The following COBL variants were observed in gnomAD, a reference collection of about 807,000 sequenced individuals.
COBL encodes cordon-bleu WH2 repeat protein.
COBL carries 51 observed loss-of-function variants against 98.8 expected under a neutral mutation model. That is an observed-to-expected ratio of 0.52 (90% CI 0.41 to 0.65). COBL has a LOEUF of 0.65. Among genes scored for constraint, COBL ranks in the 30% least tolerant of loss-of-function variants. The pLI, the probability that COBL is intolerant of heterozygous loss-of-function variation, is 0.00. For missense variants in COBL, 1,617 were observed against 1,617.5 expected (o/e 1.00, Z 0.01); for synonymous variants, 634 against 651.7 (o/e 0.97, Z 0.41).
At chr7:51,253,225 T>A (rs115215151) in intron 1 of COBL, among the ~76,000 whole-genome samples, 7,640 of 152,140 alleles carry the variant, frequency 0.05, 631 homozygotes, top group African/African-American at 0.17. Context: ...CTCAAAAAAA[T>A]AATAAATAAA....
intron 1 of COBL, among the ~76,000 whole-genome samples, chr7:51,255,898 T>C (rs547490861): frequency 6.6e-6 from 1 of 152,234 alleles, no homozygotes; most frequent in South Asian, 2.1e-4. Flanking sequence ...GTCCCTTAGA[T>C]TGTGCAGAGT....
intron 6 of COBL, among the ~76,000 whole-genome samples, chr7:51,097,645 T>G (rs1303471685): frequency 6.6e-6 from 1 of 152,200 alleles, no homozygotes; most frequent in African/African-American, 2.4e-5. Context: ...TTTGTTTTTA[T>G]ACACTAACAA....
At chr7:51,289,415 C>A (rs1800685076) in intron 1 of COBL, among the ~76,000 whole-genome samples, 1 of 152,176 alleles carries the variant, frequency 6.6e-6, no homozygotes, top group Non-Finnish European at 1.5e-5. Flanking sequence ...TCGGGTGTGG[C>A]CCTCCACAAA....
intron 12 of COBL, among the ~76,000 whole-genome samples, chr7:51,022,386 C>T (rs576232371): frequency 3.9e-4 from 60 of 152,270 alleles, no homozygotes; most frequent in African/African-American, 1.3e-3. Flanking sequence ...AACACAAGCC[C>T]GGCTCCCGCC....
chr7:51,159,698 T>A (rs1786585085), intron 5 of COBL, among the ~76,000 whole-genome samples: 1 of 152,114 alleles, frequency 6.6e-6, no homozygotes, highest in Admixed American at 6.5e-5. Flanking sequence ...TCTACATTTA[T>A]TTTTTTCCCT....
At chr7:51,138,227 G>A (rs1799418148) in intron 5 of COBL, among the ~76,000 whole-genome samples, 1 of 152,170 alleles carries the variant, frequency 6.6e-6, no homozygotes, top group African/African-American at 2.4e-5. Flanking sequence ...ACTCGTCAAT[G>A]CCTATTTAGG....
chr7:51,070,107 C>A (rs549998478), intron 7 of COBL, among the ~76,000 whole-genome samples: 8 of 152,200 alleles, frequency 5.3e-5, no homozygotes, highest in Admixed American at 1.3e-4. Context: ...AAAATCAACA[C>A]AGAAGTAACA....
intron 7 of COBL, among the ~76,000 whole-genome samples, chr7:51,061,471 T>G (rs1007988504): frequency 2.0e-5 from 3 of 152,126 alleles, no homozygotes; most frequent in Non-Finnish European, 2.9e-5. Context: ...AGCAGTGTCA[T>G]GCCAGTTGGA....
chr7:51,068,578 G>C (rs1193327456), intron 7 of COBL, among the ~76,000 whole-genome samples: 7 of 152,198 alleles, frequency 4.6e-5, no homozygotes, highest in Admixed American at 3.9e-4. Context: ...CACATACGCA[G>C]ATTAAAAATG....
intron 6 of COBL, among the ~76,000 whole-genome samples, chr7:51,099,851 C>A (rs1377108904): frequency 6.6e-6 from 1 of 151,998 alleles, no homozygotes; most frequent in Non-Finnish European, 1.5e-5. Flanking sequence ...GGATATGAAA[C>A]CTTTCCATTT....
Position 51,316,655 on chromosome 7 carries a change from G to C in COBL, c.-22C>G. 8.4e-7 allele frequency: 1 copy of C among 1,193,750 alleles called. No individual in the cohort carries two copies. Among genetic ancestry groups the C allele is most frequent in the Non-Finnish European group, 1.0e-6 (1 of 963,180 alleles). The allele number at this position is 1,193,750 out of a possible 1,614,324, so 73.9% of individuals were successfully genotyped here. A position where few individuals can be genotyped will look rare whatever the true frequency, so the allele number is the denominator to read the frequency against. ...CCATGGTGCCGGGGGCCGGGACGCG[G>C]GCGGTGCTCCGGGCCCGCCGAGTCA... is the stretch of plus-strand genomic sequence containing the variant. On this transcript the variant is annotated 5_prime_UTR_variant, in exon 1 of 13. Coordinates refer to ENST00000265136, the MANE Select transcript of COBL (RefSeq NM_015198.5).
chr7:51,215,838 C>T (rs1792981036), intron 2 of COBL, among the ~76,000 whole-genome samples: 1 of 152,212 alleles, frequency 6.6e-6, no homozygotes, highest in Non-Finnish European at 1.5e-5. Flanking sequence ...TCCCAGCCTC[C>T]CTTCCCTTGC....
intron 1 of COBL, among the ~76,000 whole-genome samples, chr7:51,280,172 AT>A (rs530071338): frequency 2.6e-4 from 39 of 150,156 alleles, no homozygotes; most frequent in East Asian, 9.8e-4. Context: ...TCAGTTTAAC[AT>A]TTTTTTTTTC....
At chr7:51,061,424 T>C (rs1489842833) in intron 7 of COBL, among the ~76,000 whole-genome samples, 2 of 152,128 alleles carry the variant, frequency 1.3e-5, no homozygotes, top group Non-Finnish European at 2.9e-5. Context: ...CCTTCTCTTC[T>C]GGAAGGGATG....
At chr7:51,124,589 C>T (rs6593331) in intron 6 of COBL, among the ~76,000 whole-genome samples, 2 of 151,930 alleles carry the variant, frequency 1.3e-5, no homozygotes, top group South Asian at 2.1e-4. Context: ...CTTCCCATGG[C>T]GACGGCTGCT....
At chr7:51,284,230 GGCAGAGCTTGCAGTGA>G (rs1800090819) in intron 1 of COBL, among the ~76,000 whole-genome samples, 2 of 151,216 alleles carry the variant, frequency 1.3e-5, no homozygotes, top group Non-Finnish European at 2.9e-5. Context: ...GAACCTGGGA[GGCAGAGCTTGCAGTGA>G]GCAGAGATTG....
At chr7:51,155,659 A>G (rs1405674540) in intron 5 of COBL, among the ~76,000 whole-genome samples, 10 of 151,130 alleles carry the variant, frequency 6.6e-5, no homozygotes, top group African/African-American at 2.4e-4. Context: ...TTTCATTTCT[A>G]CAGATTTCAA....
chr7:51,192,152 C>T (rs1433248643), intron 3 of COBL, among the ~76,000 whole-genome samples: 2 of 152,168 alleles, frequency 1.3e-5, no homozygotes. Context: ...TTCCAGATAA[C>T]AGTGAGAATG....
chr7:51,225,533 A>C (rs1033776595), intron 1 of COBL, among the ~76,000 whole-genome samples: 3 of 152,210 alleles, frequency 2.0e-5, no homozygotes, highest in Non-Finnish European at 4.4e-5. Context: ...CAGGGAATGA[A>C]TCACAGCACA....
Sources: gnomAD v4.1 joint callset for allele counts (sites outside exome capture counted in the v4.1 genomes callset) on GRCh38, gnomAD v4.1.1 for gene constraint, MANE v1.5 for transcripts, NCBI Gene and HGNC (gene_info 2026-07-23, HGNC 2026-07-21) for gene names.